Variants in THSD7A observed in about 807,000 individuals in gnomAD.
THSD7A encodes thrombospondin type-1 domain-containing protein 7A.
In THSD7A, 96 loss-of-function variants were observed where a neutral mutation model predicts 231.3. The ratio of observed to expected loss-of-function variants is 0.41; its 90% CI spans 0.35 to 0.49. The LOEUF (loss-of-function observed/expected upper bound fraction) is 0.49. THSD7A is among the 20% of genes least tolerant of loss of function. The pLI, the probability that THSD7A is intolerant of heterozygous loss-of-function variation, is 0.05. For missense variants in THSD7A, 2,290 were observed against 2,070.2 expected, an observed-to-expected ratio of 1.11 and a Z score of -2.06; for synonymous variants, 940 against 743.3, an observed-to-expected ratio of 1.26 and a Z score of -4.30.
intron 6 of THSD7A, among the ~76,000 whole-genome samples, chr7:11,534,395 T>G (rs62432829): frequency 0.014 from 2,197 of 152,278 alleles, 41 homozygotes; most frequent in East Asian, 0.023. Flanking sequence ...CTTGAAGTTA[T>G]GCCAAAAGCC....
chr7:11,561,439 A>G (rs1276803400), intron 4 of THSD7A, among the ~76,000 whole-genome samples: 1 of 152,210 alleles, frequency 6.6e-6, no homozygotes, highest in Non-Finnish European at 1.5e-5. Context: ...TACCTGTCTA[A>G]TTAAATTATT....
intron 6 of THSD7A, among the ~76,000 whole-genome samples, chr7:11,538,346 C>T (rs1022764574): frequency 2.6e-5 from 4 of 152,024 alleles, no homozygotes; most frequent in African/African-American, 9.7e-5. Flanking sequence ...TAGACAGCAT[C>T]ATTTTTTTTG....
intron 2 of THSD7A, among the ~76,000 whole-genome samples, chr7:11,597,605 C>T (rs1780410164): frequency 6.6e-6 from 1 of 152,202 alleles, no homozygotes; most frequent in Non-Finnish European, 1.5e-5. Flanking sequence ...GCCCTGCCAT[C>T]TTCTGCAGAT....
At chr7:11,688,383 C>T (rs919700403) in intron 1 of THSD7A, among the ~76,000 whole-genome samples, 3 of 151,766 alleles carry the variant, frequency 2.0e-5, no homozygotes, top group Admixed American at 6.6e-5. Flanking sequence ...TAAAGCTCCT[C>T]AGATATTGTA....
intron 1 of THSD7A, among the ~76,000 whole-genome samples, chr7:11,658,639 C>G (rs1202732821): frequency 6.6e-6 from 1 of 151,634 alleles, no homozygotes; most frequent in African/African-American, 2.4e-5. Flanking sequence ...TCCTAGGGGA[C>G]TCTTTACTTA....
intron 16 of THSD7A, among the ~76,000 whole-genome samples, chr7:11,424,205 T>A (rs183810927): frequency 2.0e-5 from 3 of 152,152 alleles, no homozygotes; most frequent in Admixed American, 2.0e-4. Context: ...TTAATTTAAA[T>A]TGAGTTAGTG....
At chr7:11,604,483 TA>T (rs749632763) in intron 2 of THSD7A, among the ~76,000 whole-genome samples, 2 of 152,264 alleles carry the variant, frequency 1.3e-5, no homozygotes, top group Admixed American at 1.3e-4. Context: ...TGCATCACTT[TA>T]AAAAAACATA....
intron 1 of THSD7A, among the ~76,000 whole-genome samples, chr7:11,660,334 C>G (rs551042833): frequency 6.6e-6 from 1 of 151,410 alleles, no homozygotes; most frequent in Non-Finnish European, 1.5e-5. Flanking sequence ...AATAACAAAG[C>G]AAAGACTTGC....
At chr7:11,703,154 C>A (rs1780657601) in intron 1 of THSD7A, among the ~76,000 whole-genome samples, 1 of 151,206 alleles carries the variant, frequency 6.6e-6, no homozygotes, top group South Asian at 2.1e-4. Context: ...TCGAGTGAGC[C>A]AGCACGTGTG....
chr7:11,645,406 C>T (rs1454189638), intron 1 of THSD7A, among the ~76,000 whole-genome samples: 1 of 151,692 alleles, frequency 6.6e-6, no homozygotes, highest in Non-Finnish European at 1.5e-5. Flanking sequence ...TAGTATATTT[C>T]TTTCATTGAG....
chr7:11,589,771 A>T (rs989107083), intron 4 of THSD7A, among the ~76,000 whole-genome samples: 7 of 152,212 alleles, frequency 4.6e-5, no homozygotes, highest in Non-Finnish European at 8.8e-5. Flanking sequence ...TACTAATTCA[A>T]TATACACTTA....
At chr7:11,509,070 T>A (rs1179003727) in intron 6 of THSD7A, among the ~76,000 whole-genome samples, 2 of 152,132 alleles carry the variant, frequency 1.3e-5, no homozygotes, top group African/African-American at 4.8e-5. Flanking sequence ...TGAGGGTATA[T>A]CTCATCATGT....
intron 1 of THSD7A, among the ~76,000 whole-genome samples, chr7:11,777,957 G>A (rs368232069): frequency 3.3e-4 from 49 of 149,012 alleles, no homozygotes; most frequent in African/African-American, 1.1e-3. Flanking sequence ...AGACCATCCC[G>A]GCTAAAACGG....
At chr7:11,672,440 A>C (rs1783430620) in intron 1 of THSD7A, among the ~76,000 whole-genome samples, 1 of 152,080 alleles carries the variant, frequency 6.6e-6, no homozygotes. Context: ...ATCTCAGTGG[A>C]TTATGTTCTA....
chr7:11,499,358 T>A (rs926154705), intron 6 of THSD7A, among the ~76,000 whole-genome samples: 5 of 152,170 alleles, frequency 3.3e-5, no homozygotes, highest in African/African-American at 1.2e-4. Context: ...CCACAACCAC[T>A]AATAAGATGT....
chr7:11,395,773 G>A (rs879575067), intron 23 of THSD7A, among the ~76,000 whole-genome samples: 2 of 151,944 alleles, frequency 1.3e-5, no homozygotes, highest in Admixed American at 6.6e-5. Context: ...TAATCCGCCC[G>A]CCTCGGCCTC....
intron 1 of THSD7A, among the ~76,000 whole-genome samples, chr7:11,651,170 G>C (rs928816720): frequency 1.3e-5 from 2 of 151,982 alleles, no homozygotes; most frequent in Non-Finnish European, 2.9e-5. Context: ...GCTAAGTGAC[G>C]TAAGCAAGAC....
chr7:11,578,122 T>C (rs1204951777), intron 4 of THSD7A, among the ~76,000 whole-genome samples: 1 of 152,194 alleles, frequency 6.6e-6, no homozygotes, highest in Non-Finnish European at 1.5e-5. Context: ...ACTAGCAAGC[T>C]AGTATACAAT....
At chr7:11,528,548 A>G (rs1788572544) in intron 6 of THSD7A, among the ~76,000 whole-genome samples, 1 of 152,200 alleles carries the variant, frequency 6.6e-6, no homozygotes, top group Non-Finnish European at 1.5e-5. Context: ...TGAGGAGGCA[A>G]GCAGCACAAT....
Sources: gnomAD v4.1 joint callset for allele counts (sites outside exome capture counted in the v4.1 genomes callset) on GRCh38, gnomAD v4.1.1 for gene constraint, MANE v1.5 for transcripts, NCBI Gene and HGNC (gene_info 2026-07-23, HGNC 2026-07-21) for gene names.